ZNF507: variants seen among roughly 807,000 people sequenced by gnomAD.
The protein encoded by ZNF507 is zinc finger protein 507.
A neutral mutation model predicts 80.0 loss-of-function variants in ZNF507; 29 were observed. The ratio of observed to expected loss-of-function variants is 0.36; its 90% CI spans 0.27 to 0.49. The LOEUF is 0.49. Among genes scored for constraint, ZNF507 ranks in the 20% least tolerant of loss-of-function variants. The pLI, the probability that ZNF507 is intolerant of heterozygous loss-of-function variation, is 0.98. For synonymous variants in ZNF507, 462 were observed against 422.5 expected (o/e 1.09, Z -1.15); for missense variants, 1,081 against 1,152.2 (o/e 0.94, Z 0.90).
chr19:32,359,082 C>T (rs1967288429), intron 4 of ZNF507: 2 of 152,130 alleles, frequency 1.3e-5, no homozygotes. Context: ...CACACAAAAC[C>T]ATTATCCAAT....
At chr19:32,346,628 G>A (rs1967101032) in intron 1 of ZNF507, among the ~76,000 whole-genome samples, 1 of 152,206 alleles carries the variant, frequency 6.6e-6, no homozygotes, top group Non-Finnish European at 1.5e-5. Context: ...GAGCCCTAAA[G>A]ATGTTTTTTC....
Position 32,365,134 on chromosome 19 carries a change from T to C in ZNF507, c.2360+4516T>C, listed in dbSNP as rs536511028. Among the ~76,000 whole-genome samples, 17 of 152,380 alleles carry C rather than the reference T, an allele frequency of 1.1e-4. 1 individual carries two copies. The South Asian group carries it at 3.5e-3, about 32-fold the overall frequency. On this transcript the variant is annotated intron_variant, in intron 5 of 6. Coordinates refer to ENST00000355898, the MANE Select transcript of ZNF507 (RefSeq NM_001136156.2). ...TTCATATGTTTGTTGGCCATTTGCG[T>C]ATCTTCTTTTGAGAATTGTCTATTT...
rs1173750395 is a variant in ZNF507, at chr19:32,386,908, T to C, written c.*3825T>C. On this transcript the variant is annotated 3_prime_UTR_variant, in exon 7 of 7. Transcript: ENST00000355898. ...GTGTTCATTCTTTTCCTGGAAATGA[T>C]GACTTTATTGCTTAGAAAGTTGTAA... 6.6e-6 allele frequency: 1 copy of C among 152,546 alleles called. No individual in the cohort carries two copies. The highest frequency in any genetic ancestry group is 1.9e-4 in the East Asian group (1 of 5,198). The allele number at this position is 152,546 out of a possible 1,614,324, so 9.4% of individuals were successfully genotyped here. A position where few individuals can be genotyped will look rare whatever the true frequency, so the allele number is the denominator to read the frequency against.
Position 32,373,937 on chromosome 19 carries a change from A to G in ZNF507, c.2361-8530A>G, listed in dbSNP as rs192868441. On this transcript the variant is annotated intron_variant, in intron 5 of 6. Coordinates refer to ENST00000355898, the MANE Select transcript of ZNF507 (RefSeq NM_001136156.2). ...GTCGGGAAGTGAACTGCATAGCACA[A>G]TGACCAGTCACCAGCTTTGAAAGGC... 9.6e-4 allele frequency among the ~76,000 whole-genome samples: 146 copies of G among 152,324 alleles called. 1 individual carries two copies. Among genetic ancestry groups the G allele is most frequent in the African/African-American group, 3.4e-3 (142 of 41,568 alleles).
At position 32,369,631 on chromosome 19, in the gene ZNF507, T is replaced by G. The variant is rs534998901; in HGVS notation, c.2360+9013T>G. Among the ~76,000 whole-genome samples the G allele has an allele frequency of 2.5e-4, 38 of 152,332 alleles. 1 individual carries two copies. In the East Asian group the frequency reaches 2.9e-3, roughly 12 times the overall value. On this transcript the variant is annotated intron_variant, in intron 5 of 6. Transcript: ENST00000355898. ...CTGTTTCAAAACATACTTTCTTTTTTTTTTGTTTTGTTTTTTAATACATGT... is the reference window on the plus strand; with the variant it reads ...CTGTTTCAAAACATACTTTCTTTTTGTTTTGTTTTGTTTTTTAATACATGT...
chr19:32,382,740 A>G lies in ZNF507; in HGVS notation c.2519A>G (p.Lys840Arg). The change falls in exon 7 of 7, where the codon AAG becomes AGG. Residue 840 changes from lysine (K) to arginine (R), a missense_variant. Lys to Arg is a conservative substitution (Grantham distance 26). Transcript: ENST00000355898. ...SGRVLGKSPG[K>R]TQLKSSEESA... ...AGAGTTCTGGGGAAATCCCCTGGAA[A>G]GACTCAATTAAAGAGCAGTGAAGAG... The G allele has an allele frequency of 1.9e-6, 3 of 1,612,936 alleles. No homozygotes were observed. The highest frequency in any genetic ancestry group is 2.5e-6 in the Non-Finnish European group (3 of 1,179,348).
Position 32,373,210 on chromosome 19 carries a change from A to T in ZNF507, c.2361-9257A>T, listed in dbSNP as rs986065712. Among the ~76,000 whole-genome samples the T allele has an allele frequency of 5.3e-5, 8 of 151,148 alleles. No individual in the cohort carries two copies. The East Asian group carries it at 5.9e-4, about 11-fold the overall frequency. On this transcript the variant is annotated intron_variant, in intron 5 of 6. Coordinates refer to ENST00000355898, the MANE Select transcript of ZNF507 (RefSeq NM_001136156.2). ...TTTGGGGATTAAGTTTCCACATAGG[A>T]ATTTCGGGGGGGGCACATACATTCA...
intron 5 of ZNF507, among the ~76,000 whole-genome samples, chr19:32,361,287 T>C (rs62104825): frequency 0.022 from 3,299 of 152,252 alleles, 57 homozygotes; most frequent in Non-Finnish European, 0.032. Flanking sequence ...TTTCAGAAAA[T>C]ATAGGCATTC....
chr19:32,376,587 A>C (rs1263606149), intron 5 of ZNF507, among the ~76,000 whole-genome samples: 1 of 152,228 alleles, frequency 6.6e-6, no homozygotes, highest in Non-Finnish European at 1.5e-5. Context: ...TAAATAGTGC[A>C]ATACAGAATT....
chr19:32,352,422 G>T (rs1473303153), intron 2 of ZNF507, among the ~76,000 whole-genome samples: 1 of 151,868 alleles, frequency 6.6e-6, no homozygotes, highest in African/African-American at 2.4e-5. Context: ...TAACTGGAGG[G>T]GTTTCACATG....
chr19:32,357,140 C>T (rs183879477), intron 4 of ZNF507: 142 of 156,936 alleles, frequency 9.0e-4, no homozygotes, highest in Non-Finnish European at 1.3e-3. Flanking sequence ...TGGGGCTCCC[C>T]GCTGTGATCT....
intron 3 of ZNF507, among the ~76,000 whole-genome samples, chr19:32,355,725 A>G (rs937665097): frequency 2.0e-5 from 3 of 152,098 alleles, no homozygotes; most frequent in African/African-American, 7.2e-5. Context: ...GATTACCGAG[A>G]GCTGGGGTCT....
At chr19:32,350,137 A>T (rs563705921) in intron 2 of ZNF507, among the ~76,000 whole-genome samples, 2 of 151,410 alleles carry the variant, frequency 1.3e-5, no homozygotes, top group Non-Finnish European at 2.9e-5. Context: ...GTGAAAATTG[A>T]AAGAGTTGGC....
chr19:32,374,222 T>G (rs1967515252), intron 5 of ZNF507, among the ~76,000 whole-genome samples: 1 of 151,662 alleles, frequency 6.6e-6, no homozygotes, highest in Admixed American at 6.6e-5. Context: ...ATTGTTAGGC[T>G]TCTTCTTGTG....
rs762046490 is a variant in ZNF507, at chr19:32,353,501, A to G, written c.671A>G (p.His224Arg). Residue 224 changes from histidine to arginine, a missense_variant, in exon 3 of 7, where the codon CAT (histidine) becomes CGT (arginine). Physicochemically the swap from His to Arg is conservative, Grantham distance 29. This residue lies in a region of ZNF507 where 275 missense variants were observed against 303.9 expected (regional missense o/e 0.90). Coordinates refer to ENST00000355898, the MANE Select transcript of ZNF507 (RefSeq NM_001136156.2). ...IPVSVDNLQT[H>R]TVQTASVAEM... ...GTAAGTGTGGACAATCTACAGACTC[A>G]TACTGTCCAAACTGCATCTGTGGCA... 6.2e-7 allele frequency: 1 copy of G among 1,614,202 alleles called. No homozygotes were observed.
At chr19:32,376,327 T>C (rs1967546427) in intron 5 of ZNF507, among the ~76,000 whole-genome samples, 1 of 152,190 alleles carries the variant, frequency 6.6e-6, no homozygotes, top group South Asian at 2.1e-4. Context: ...AAAAAAGTTA[T>C]TTACAAAATT....
At chr19:32,373,754 T>C (rs1967506116) in intron 5 of ZNF507, among the ~76,000 whole-genome samples, 1 of 152,242 alleles carries the variant, frequency 6.6e-6, no homozygotes, top group African/African-American at 2.4e-5. Flanking sequence ...TTCATTTACA[T>C]GTATGTCTAA....
Position 32,387,117 on chromosome 19 carries a change from C to T in ZNF507, c.*4034C>T, listed in dbSNP as rs1174591633. The T allele has an allele frequency of 1.3e-5, 2 of 152,170 alleles. No homozygotes were observed. The highest frequency in any genetic ancestry group is 4.8e-5 in the African/African-American group (2 of 41,438). The allele number at this position is 152,170 out of a possible 1,614,324, so 9.4% of individuals were successfully genotyped here. Reference sequence around the variant, plus strand: ...TTTTCCTTGCTACCCAGTTCAGTTTCTCTTCCAAATGTGACACGCTTATAT... The same window carrying T: ...TTTTCCTTGCTACCCAGTTCAGTTTTTCTTCCAAATGTGACACGCTTATAT... On this transcript the variant is annotated 3_prime_UTR_variant, in exon 7 of 7. Coordinates refer to ENST00000355898, the MANE Select transcript of ZNF507 (RefSeq NM_001136156.2).
rs1258669755 is a variant in ZNF507 at position 32,386,697 on chromosome 19, C to T, written c.*3614C>T. The stretch of plus-strand genomic sequence containing the variant: ...GGACTGTGTTCATGGGAGAGCAGTT[C>T]ATCTGTTCAGAACAGTGAGGCAAGG... On this transcript the variant is annotated 3_prime_UTR_variant, in exon 7 of 7. Transcript: ENST00000355898. 2 of 152,654 alleles carry T rather than the reference C, an allele frequency of 1.3e-5. No individual in the cohort carries two copies. Among genetic ancestry groups the T allele is most frequent in the East Asian group, 3.8e-4 (2 of 5,198 alleles). The allele number at this position is 152,654 out of a possible 1,614,324, so 9.5% of individuals were successfully genotyped here. A position where few individuals can be genotyped will look rare whatever the true frequency, so the allele number is the denominator to read the frequency against.
Sources: gnomAD v4.1 joint callset for allele counts (sites outside exome capture counted in the v4.1 genomes callset) on GRCh38, gnomAD v4.1.1 for gene constraint, gnomAD v4.1.1 regional missense constraint, MANE v1.5 for transcripts, NCBI Gene and HGNC (gene_info 2026-07-23, HGNC 2026-07-21) for gene names.